Variants in MAN1A1 observed in about 807,000 individuals in gnomAD.
The protein encoded by MAN1A1 is mannosyl-oligosaccharide 1,2-alpha-mannosidase IA.
Under a neutral mutation model 70.8 loss-of-function variants are expected in MAN1A1, and 29 were observed. The ratio of observed to expected loss-of-function variants is 0.41; its 90% CI spans 0.31 to 0.56. The LOEUF (loss-of-function observed/expected upper bound fraction) is 0.56. Among genes scored for constraint, MAN1A1 ranks in the 20% least tolerant of loss-of-function variants. The pLI, the probability that MAN1A1 is intolerant of heterozygous loss-of-function variation, is 0.29. For synonymous variants in MAN1A1, 349 were observed against 330.1 expected (o/e 1.06, Z -0.62); for missense variants, 747 against 841.3 (o/e 0.89, Z 1.39).
Position 119,229,320 on chromosome 6 carries a change from T to A in MAN1A1, c.992+18940A>T, listed in dbSNP as rs139809999. 1.6e-3 allele frequency among the ~76,000 whole-genome samples: 242 copies of A among 152,188 alleles called. 2 individuals carry two copies. Among genetic ancestry groups the A allele is most frequent in the African/African-American group, 5.2e-3 (217 of 41,544 alleles). ...TTGGGAAGCAGTGTTATAATAAAGC[T>A]CCATCCCAGAGATGAGCAATGTACA... On this transcript the variant is annotated intron_variant, in intron 6 of 12. Transcript: ENST00000368468.
intron 4 of MAN1A1, among the ~76,000 whole-genome samples, chr6:119,300,296 C>T (rs1772352392): frequency 1.3e-5 from 2 of 151,146 alleles, no homozygotes; most frequent in Admixed American, 1.3e-4. Flanking sequence ...TGCTCTACTG[C>T]CCAGGCTGGA....
chr6:119,201,140 CT>C (rs1171213027), intron 8 of MAN1A1, 113 bp downstream of exon 8: 1 of 749,972 alleles, frequency 1.3e-6, no homozygotes, highest in African/African-American at 1.8e-5. Flanking sequence ...GAGCCATGCC[CT>C]TTTCTCCTTT....
At chr6:119,188,064 G>A (rs1773341258) in intron 11 of MAN1A1, among the ~76,000 whole-genome samples, 1 of 152,170 alleles carries the variant, frequency 6.6e-6, no homozygotes, top group South Asian at 2.1e-4. Flanking sequence ...GTGGTTTATT[G>A]AAATAGAGGT....
intron 5 of MAN1A1, among the ~76,000 whole-genome samples, chr6:119,252,680 T>C (rs903312547): frequency 2.6e-5 from 4 of 152,072 alleles, no homozygotes; most frequent in Non-Finnish European, 2.9e-5. Context: ...CAGTCCCAGA[T>C]ACTTGGGAGG....
At chr6:119,322,650 A>G (rs1335404371) in intron 2 of MAN1A1, among the ~76,000 whole-genome samples, 2 of 152,204 alleles carry the variant, frequency 1.3e-5, no homozygotes, top group Non-Finnish European at 2.9e-5. Flanking sequence ...ACTATAATCC[A>G]AGTCTCTCTT....
chr6:119,180,909 T>A (rs11970485), intron 11 of MAN1A1, among the ~76,000 whole-genome samples: 19,966 of 152,180 alleles, frequency 0.13, 1,599 homozygotes, highest in East Asian at 0.22. Flanking sequence ...AAATGTAAAT[T>A]AAAAATGAAG....
intron 6 of MAN1A1, among the ~76,000 whole-genome samples, chr6:119,217,865 T>C (rs189255425): frequency 6.0e-4 from 91 of 152,324 alleles, no homozygotes; most frequent in African/African-American, 2.1e-3. Flanking sequence ...GTTGTTTTTC[T>C]AATAAATAGG....
intron 5 of MAN1A1, among the ~76,000 whole-genome samples, chr6:119,261,913 G>A (rs1228130380): frequency 6.6e-6 from 1 of 152,230 alleles, no homozygotes; most frequent in Non-Finnish European, 1.5e-5. Context: ...AAGAAAGAGT[G>A]AGATAGCAGC....
intron 7 of MAN1A1, 74 bp downstream of exon 7, chr6:119,204,685 C>T (rs1434939399): frequency 6.4e-7 from 1 of 1,557,834 alleles, no homozygotes; most frequent in African/African-American, 1.4e-5. Flanking sequence ...TCAAAAATTC[C>T]TAAACCTTCT....
chr6:119,242,551 T>C (rs1244589817), intron 6 of MAN1A1, among the ~76,000 whole-genome samples: 2 of 152,122 alleles, frequency 1.3e-5, no homozygotes, highest in East Asian at 3.8e-4. Context: ...AGTTAGTCAG[T>C]TCTAGATATA....
chr6:119,199,809 CG>C (rs1361490907), intron 8 of MAN1A1, among the ~76,000 whole-genome samples: 2 of 151,220 alleles, frequency 1.3e-5, no homozygotes, highest in Non-Finnish European at 2.9e-5. Context: ...CTACTCGGGG[CG>C]GGGGGCCGAG....
intron 5 of MAN1A1, among the ~76,000 whole-genome samples, chr6:119,257,026 G>C (rs1202163388): frequency 6.6e-6 from 1 of 152,136 alleles, no homozygotes; most frequent in African/African-American, 2.4e-5. Flanking sequence ...TGCTGTAACT[G>C]TGGGAATTTT....
intron 2 of MAN1A1, chr6:119,332,018 G>A (rs915281130): frequency 4.1e-6 from 2 of 488,802 alleles, no homozygotes; most frequent in Admixed American, 2.2e-5. Context: ...TGTATAAAAT[G>A]AGGAGAATAA....
rs563854800 is a variant in MAN1A1, at chr6:119,327,481, G to A, written c.604-20489C>T. Reference sequence around the variant, plus strand: ...CTTGGCTCACTGCAATCTCCACCTCGTGGGTTCAGGCGATTCTCCTGCCTC... The same window carrying A: ...CTTGGCTCACTGCAATCTCCACCTCATGGGTTCAGGCGATTCTCCTGCCTC... On this transcript the variant is annotated intron_variant, in intron 2 of 12. Transcript: ENST00000368468. 1.2e-4 allele frequency: 17 copies of A among 145,484 alleles called. No individual in the cohort carries two copies. The East Asian group carries it at 3.3e-3, about 28-fold the overall frequency. 9.0% of individuals were successfully genotyped at this position (145,484 alleles called of 1,614,324 possible).
chr6:119,180,028 A>G lies in MAN1A1; in HGVS notation c.1836-83T>C, dbSNP rs868689161. On this transcript the variant is annotated intron_variant, in intron 12 of 12. Transcript: ENST00000368468. Reference sequence around the variant, plus strand: ...CAAACACACAGCAAAAACCACATCAATGTCTGCATTCATCTTACCAAGAAA... The same window carrying G: ...CAAACACACAGCAAAAACCACATCAGTGTCTGCATTCATCTTACCAAGAAA... 5.6e-5 allele frequency: 77 copies of G among 1,370,846 alleles called. 3 individuals carry two copies. In the Middle Eastern group the frequency reaches 6.4e-3, roughly 113 times the overall value. 84.9% of individuals were successfully genotyped at this position (1,370,846 alleles called of 1,614,324 possible).
At chr6:119,349,885 G>A (rs1408553675), upstream of MAN1A1, 2 of 393,360 alleles carry the variant, frequency 5.1e-6, no homozygotes, top group African/African-American at 2.2e-5. Flanking sequence ...AGGCGAGGAG[G>A]GGGATGCGCG....
chr6:119,208,311 A>G lies in MAN1A1; in HGVS notation c.993-3429T>C, dbSNP rs78894810. ...TTTAAATTGGAGTATTACTTAATGT[A>G]TATGTTTCAATTTTTAAATTTTCAG... is the stretch of plus-strand genomic sequence containing the variant. On this transcript the variant is annotated intron_variant, in intron 6 of 12. Transcript: ENST00000368468. Among the ~76,000 whole-genome samples the G allele has an allele frequency of 5.9e-3, 898 of 152,308 alleles. 29 individuals are homozygous for G. In the East Asian group the frequency reaches 0.09, roughly 15 times the overall value.
At chr6:119,342,312 C>A (rs1773617336) in intron 2 of MAN1A1, among the ~76,000 whole-genome samples, 1 of 152,150 alleles carries the variant, frequency 6.6e-6, no homozygotes, top group African/African-American at 2.4e-5. Flanking sequence ...TATCCACTTT[C>A]CTGAGTTATT....
intron 2 of MAN1A1, among the ~76,000 whole-genome samples, chr6:119,336,901 T>C (rs1773465661): frequency 6.6e-6 from 1 of 152,090 alleles, no homozygotes; most frequent in Admixed American, 6.5e-5. Flanking sequence ...TCCAGTATTC[T>C]AGGTAATAAA....
Sources: allele counts gnomAD v4.1 joint callset (sites outside exome capture counted in the v4.1 genomes callset), GRCh38; gene constraint gnomAD v4.1.1; transcripts MANE v1.5; gene names NCBI Gene and HGNC (gene_info 2026-07-23, HGNC 2026-07-21).